The following PTPRM variants were observed in gnomAD, a reference collection of about 807,000 sequenced individuals.
PTPRM encodes the protein receptor-type tyrosine-protein phosphatase mu.
A neutral mutation model predicts 186.7 loss-of-function variants in PTPRM; 47 were observed. The observed-to-expected ratio is 0.25, with a 90% confidence interval of 0.20 to 0.32. PTPRM has a LOEUF of 0.32. Ranked by LOEUF, PTPRM falls within the 10% of genes least tolerant of loss-of-function variation. PTPRM has a pLI of 1.00. For synonymous variants in PTPRM, 668 were observed against 674.9 expected (o/e 0.99, Z 0.16); for missense variants, 1,494 against 1,865.0 (o/e 0.80, Z 3.66).
intron 14 of PTPRM, among the ~76,000 whole-genome samples, chr18:8,240,697 G>A (rs60456264): frequency 0.41 from 22,259 of 53,864 alleles, 3,678 homozygotes; most frequent in Middle Eastern, 0.5. Context: ...GAGAGAAAGA[G>A]AGAAAGAAAG....
At chr18:7,753,838 A>G (rs1405109855) in intron 1 of PTPRM, among the ~76,000 whole-genome samples, 3 of 151,580 alleles carry the variant, frequency 2.0e-5, no homozygotes, top group African/African-American at 7.3e-5. Flanking sequence ...GGCTTCATTT[A>G]TAATTCTATT....
intron 14 of PTPRM, among the ~76,000 whole-genome samples, chr18:8,203,330 G>T (rs2093883683): frequency 6.6e-6 from 1 of 152,126 alleles, no homozygotes. Flanking sequence ...TTCTGGGTAT[G>T]TGTTGTATTA....
chr18:7,959,287 G>A (rs980364302), intron 7 of PTPRM, among the ~76,000 whole-genome samples: 5 of 152,250 alleles, frequency 3.3e-5, no homozygotes, highest in African/African-American at 1.2e-4. Context: ...TTGCTTATCT[G>A]GGAAATCTAA....
At chr18:8,025,338 A>G (rs2085502150) in intron 7 of PTPRM, among the ~76,000 whole-genome samples, 1 of 152,164 alleles carries the variant, frequency 6.6e-6, no homozygotes, top group African/African-American at 2.4e-5. Context: ...TCTGGTCTGA[A>G]AACGTTTGGA....
At chr18:8,009,662 C>T (rs950764561) in intron 7 of PTPRM, among the ~76,000 whole-genome samples, 1 of 151,858 alleles carries the variant, frequency 6.6e-6, no homozygotes, top group African/African-American at 2.4e-5. Flanking sequence ...GAGCCAAGAT[C>T]GCACCACTGC....
At chr18:8,010,292 TC>T (rs1481137231) in intron 7 of PTPRM, among the ~76,000 whole-genome samples, 5 of 152,232 alleles carry the variant, frequency 3.3e-5, no homozygotes, top group Non-Finnish European at 7.3e-5. Flanking sequence ...ATTTCCCTTT[TC>T]AAAAGCCTTC....
chr18:8,228,726 G>A (rs1179944178), intron 14 of PTPRM, among the ~76,000 whole-genome samples: 5 of 150,944 alleles, frequency 3.3e-5, no homozygotes, highest in East Asian at 1.9e-4. Flanking sequence ...GGTGGCATAC[G>A]CCTGTAGTCC....
intron 1 of PTPRM, among the ~76,000 whole-genome samples, chr18:7,635,912 A>G (rs918510634): frequency 1.3e-5 from 2 of 152,196 alleles, no homozygotes; most frequent in African/African-American, 2.4e-5. Flanking sequence ...CTTCCACTAC[A>G]TTTGATAGAG....
At chr18:8,349,696 C>T (rs2148312269) in intron 23 of PTPRM, among the ~76,000 whole-genome samples, 1 of 152,336 alleles carries the variant, frequency 6.6e-6, no homozygotes, top group East Asian at 1.9e-4. Context: ...CTTCAGACTC[C>T]TGGTCCCCAG....
chr18:8,378,049 T>G (rs937761036), intron 26 of PTPRM: 22 of 493,214 alleles, frequency 4.5e-5, no homozygotes, highest in Non-Finnish European at 6.5e-5. Flanking sequence ...GGTGCTGCAG[T>G]GCGTGTGGTG....
chr18:8,259,723 C>G (rs543211799), intron 19 of PTPRM, among the ~76,000 whole-genome samples: 3 of 152,054 alleles, frequency 2.0e-5, no homozygotes, highest in African/African-American at 7.2e-5. Flanking sequence ...TCTCAGTTCA[C>G]TGCAACCTTC....
At position 7,686,296 on chromosome 18, in the gene PTPRM, C is replaced by T. The variant is rs551554786; in HGVS notation, c.74-87853C>T. On this transcript the variant is annotated intron_variant, in intron 1 of 32. Coordinates refer to ENST00000580170, the MANE Select transcript of PTPRM (RefSeq NM_001105244.2). ...GGGGGCAAAACTCTAAAGCAAAAAC[C>T]TGATGTTTACTGTAGAATCTCTTGT... Among the ~76,000 whole-genome samples, 474 of 152,244 alleles carry T rather than the reference C, an allele frequency of 3.1e-3. 2 individuals are homozygous for T. The highest frequency in any genetic ancestry group is 3.8e-3 in the Non-Finnish European group (260 of 68,018).
intron 7 of PTPRM, among the ~76,000 whole-genome samples, chr18:7,999,826 T>C (rs545635222): frequency 5.7e-4 from 86 of 152,110 alleles, no homozygotes; most frequent in Middle Eastern, 6.8e-3. Flanking sequence ...CACAAAGATT[T>C]ATTATAAGGA....
intron 19 of PTPRM, among the ~76,000 whole-genome samples, chr18:8,279,153 A>G (rs55861003): frequency 0.3 from 46,174 of 151,944 alleles, 7,198 homozygotes; most frequent in Admixed American, 0.39. Context: ...TTTGAAGATC[A>G]TATATCCTCA....
intron 1 of PTPRM, among the ~76,000 whole-genome samples, chr18:7,617,349 C>T (rs1217214069): frequency 6.6e-6 from 1 of 152,028 alleles, no homozygotes; most frequent in Non-Finnish European, 1.5e-5. Context: ...CTGCAGTGTC[C>T]CCTGCTTGAT....
At chr18:7,845,144 G>A (rs1262184122) in intron 2 of PTPRM, among the ~76,000 whole-genome samples, 1 of 152,154 alleles carries the variant, frequency 6.6e-6, no homozygotes, top group African/African-American at 2.4e-5. Flanking sequence ...GGCTTTTATA[G>A]TGTACCCTCA....
At chr18:8,290,243 T>C (rs1313018873) in intron 19 of PTPRM, among the ~76,000 whole-genome samples, 1 of 152,218 alleles carries the variant, frequency 6.6e-6, no homozygotes, top group East Asian at 1.9e-4. Flanking sequence ...TCATTTTACA[T>C]GCACAATTTT....
At chr18:8,167,198 C>T (rs1240895218) in intron 14 of PTPRM, among the ~76,000 whole-genome samples, 3 of 152,226 alleles carry the variant, frequency 2.0e-5, no homozygotes, top group Non-Finnish European at 4.4e-5. Context: ...CAATAGTTTT[C>T]AAGCCTCCAT....
intron 7 of PTPRM, among the ~76,000 whole-genome samples, chr18:8,011,958 T>G (rs1213642226): frequency 1.3e-5 from 2 of 152,246 alleles, no homozygotes; most frequent in Non-Finnish European, 2.9e-5. Context: ...AAATGTTTCC[T>G]TGCACATTTT....
Sources: allele counts gnomAD v4.1 joint callset (sites outside exome capture counted in the v4.1 genomes callset), GRCh38; gene constraint gnomAD v4.1.1; transcripts MANE v1.5; gene names NCBI Gene and HGNC (gene_info 2026-07-23, HGNC 2026-07-21).